The following FKBP1B variants were observed in gnomAD, a reference collection of about 807,000 sequenced individuals.
FKBP1B encodes peptidyl-prolyl cis-trans isomerase FKBP1B.
A neutral mutation model predicts 13.5 loss-of-function variants in FKBP1B; 4 were observed. That is an observed-to-expected ratio of 0.30 (90% CI 0.15 to 0.68). The LOEUF (loss-of-function observed/expected upper bound fraction) is 0.68, where lower values mean the gene tolerates loss of function less well. Ranked by LOEUF, FKBP1B falls within the 30% of genes least tolerant of loss-of-function variation. The probability of loss-of-function intolerance (pLI) is 0.76; values close to 1 mark genes in which losing one functional copy is unlikely to be tolerated. For missense variants in FKBP1B, 93 were observed against 136.2 expected (o/e 0.68, Z 1.58); for synonymous variants, 54 against 53.6 (o/e 1.01, Z -0.03).
chr2:24,063,054 T>C lies in FKBP1B; in HGVS notation c.199-10T>C, dbSNP rs760574516. 6.2e-7 allele frequency: 1 copy of C among 1,614,200 alleles called. No individual in the cohort carries two copies. The highest frequency in any genetic ancestry group is 8.5e-7 in the Non-Finnish European group (1 of 1,180,024). ...TTTCTCCTCTCCCCATCTGCCCCCATCCCTGCTAGATGAGCTTGGGGCAGA... is the reference window on the plus strand; with the variant it reads ...TTTCTCCTCTCCCCATCTGCCCCCACCCCTGCTAGATGAGCTTGGGGCAGA... On this transcript the variant is annotated splice_polypyrimidine_tract_variant and intron_variant, in intron 3 of 3. Transcript: ENST00000380986.
At position 24,063,462 on chromosome 2, in the gene FKBP1B, GAA is replaced by G; in HGVS notation, c.*271_*272del. 1 of 370,070 alleles carries G rather than the reference GAA, an allele frequency of 2.7e-6. No individual in the cohort carries two copies. The allele number at this position is 370,070 out of a possible 1,614,324, so 22.9% of individuals were successfully genotyped here. ...CATGTAGTAGCCTTTCCTGATGACA[GAA>G]CACAGATCTCTTGTTCGCACAATCT... On this transcript the variant is annotated 3_prime_UTR_variant, in exon 4 of 4. Coordinates refer to ENST00000380986, the MANE Select transcript of FKBP1B (RefSeq NM_004116.5).
intron 1 of FKBP1B, among the ~76,000 whole-genome samples, chr2:24,052,664 T>C (rs1663932171): frequency 6.6e-6 from 1 of 152,170 alleles, no homozygotes; most frequent in African/African-American, 2.4e-5. Context: ...ATTGTCTCTG[T>C]CCATTAGAAT....
chr2:24,051,733 C>T (rs1388859159), intron 1 of FKBP1B, among the ~76,000 whole-genome samples: 2 of 152,188 alleles, frequency 1.3e-5, no homozygotes, highest in African/African-American at 4.8e-5. Context: ...CAAGACCTGG[C>T]TTCACCATTC....
chr2:24,037,835 T>C, the FKBP1B span: 3 of 1,614,054 alleles, frequency 1.9e-6, no homozygotes, highest in African/African-American at 1.3e-5. Flanking sequence ...AGCTGATAAG[T>C]TTCCTTTTCA....
chr2:24,035,604 T>TA, the FKBP1B span, among the ~76,000 whole-genome samples: 4 of 152,056 alleles, frequency 2.6e-5, no homozygotes, highest in Admixed American at 2.6e-4. Context: ...CATTTATAAA[T>TA]AAAATAATTT....
At chr2:24,039,566 A>T in the FKBP1B span, 1 of 1,506,952 alleles carries the variant, frequency 6.6e-7, no homozygotes, top group Non-Finnish European at 9.0e-7. Flanking sequence ...CAAATCTAGA[A>T]TGTAGGACAT....
Position 24,049,793 on chromosome 2 carries a change from C to G in FKBP1B, c.-57C>G. 1 of 1,304,622 alleles carries G rather than the reference C, an allele frequency of 7.7e-7. No homozygotes were observed. The highest frequency in any genetic ancestry group is 9.8e-7 in the Non-Finnish European group (1 of 1,021,196). The allele number at this position is 1,304,622 out of a possible 1,614,324, so 80.8% of individuals were successfully genotyped here. On this transcript the variant is annotated 5_prime_UTR_variant, in exon 1 of 4. Transcript: ENST00000380986. ...GCGACGGCGGGGCTGGGGCCGGAGC[C>G]GAGCCGGGGTCGGGCAGCAGCAGGG... is the stretch of plus-strand genomic sequence containing the variant.
At chr2:24,042,183 C>T in the FKBP1B span, among the ~76,000 whole-genome samples, 1 of 151,996 alleles carries the variant, frequency 6.6e-6, no homozygotes, top group African/African-American at 2.4e-5. Flanking sequence ...GGGCAGATCA[C>T]GTGAGGTCAG....
rs888893858 is a variant in FKBP1B, at chr2:24,054,799, G to A, written c.85+850G>A. Among the ~76,000 whole-genome samples, 8 of 152,252 alleles carry A rather than the reference G, an allele frequency of 5.3e-5. No homozygotes were observed. The East Asian group carries it at 1.3e-3, about 26-fold the overall frequency. On this transcript the variant is annotated intron_variant, in intron 2 of 3. Transcript: ENST00000380986. ...TGATGTGGCCTAATTACCATGGGTC[G>A]TCTGGGGCCTCTGACCTGTGTAATT...
chr2:24,063,013 A>G (rs201993087), intron 3 of FKBP1B, 51 bp from the exon 4 acceptor site: 18 of 1,613,844 alleles, frequency 1.1e-5, no homozygotes. Context: ...TTTCTTTTAA[A>G]TCAAGCTGGG....
chr2:24,052,474 A>G (rs1488633919), intron 1 of FKBP1B, among the ~76,000 whole-genome samples: 3 of 151,980 alleles, frequency 2.0e-5, no homozygotes, highest in Non-Finnish European at 2.9e-5. Context: ...CCCAAGTGCT[A>G]TTTCCCAGTA....
At chr2:24,055,675 G>A (rs923031366) in intron 2 of FKBP1B, among the ~76,000 whole-genome samples, 1 of 152,138 alleles carries the variant, frequency 6.6e-6, no homozygotes, top group South Asian at 2.1e-4. Flanking sequence ...GTATTTTAAC[G>A]TACAAGTATG....
chr2:24,062,856 G>A (rs1420965956), intron 3 of FKBP1B, among the ~76,000 whole-genome samples: 1 of 152,220 alleles, frequency 6.6e-6, no homozygotes, highest in Non-Finnish European at 1.5e-5. Flanking sequence ...GAGGGTTACT[G>A]CCCCACAGTC....
In FKBP1B at chr2:24,049,804, CG is replaced by C; in HGVS notation, c.-43del. On this transcript the variant is annotated 5_prime_UTR_variant, in exon 1 of 4. Transcript: ENST00000380986. Reference sequence around the variant, plus strand: ...GCTGGGGCCGGAGCCGAGCCGGGGTCGGGCAGCAGCAGGGACCCCCCAGAGG... The same window carrying C: ...GCTGGGGCCGGAGCCGAGCCGGGGTCGGCAGCAGCAGGGACCCCCCAGAGG... 1 of 1,322,238 alleles carries C rather than the reference CG, an allele frequency of 7.6e-7. No homozygotes were observed. The highest frequency in any genetic ancestry group is 9.7e-7 in the Non-Finnish European group (1 of 1,033,952). The allele number at this position is 1,322,238 out of a possible 1,614,324, so 81.9% of individuals were successfully genotyped here. A position where few individuals can be genotyped will look rare whatever the true frequency, so the allele number is the denominator to read the frequency against.
chr2:24,037,214 G>C, the FKBP1B span, among the ~76,000 whole-genome samples: 2 of 152,012 alleles, frequency 1.3e-5, no homozygotes, highest in Non-Finnish European at 2.9e-5. Flanking sequence ...TTAGAGACAG[G>C]GTTTCACCAC....
At position 24,053,947 on chromosome 2, in the gene FKBP1B, C is replaced by T; in HGVS notation, c.83C>T (p.Thr28Ile). Residue 28 changes from threonine to isoleucine, a missense_variant and splice_region_variant, in exon 2 of 4, where the codon ACA becomes ATA. Physicochemically the swap from Thr to Ile is moderately conservative, Grantham distance 89. Coordinates refer to ENST00000380986, the MANE Select transcript of FKBP1B (RefSeq NM_004116.5). ...KKGQTCVVHY[T>I]GMLQNGKKFD... ...GGCCAAACGTGTGTGGTGCACTACA[C>T]AGGTAAGTCTCACCCCCTCAGCCCC... is the stretch of plus-strand genomic sequence containing the variant. The T allele has an allele frequency of 2.5e-6, 4 of 1,614,166 alleles. No homozygotes were observed. The South Asian group carries it at 3.3e-5, about 13-fold the overall frequency.
chr2:24,057,426 T>C (rs1172975869), intron 2 of FKBP1B, among the ~76,000 whole-genome samples: 4 of 151,768 alleles, frequency 2.6e-5, no homozygotes, highest in Non-Finnish European at 4.4e-5. Context: ...CAGGCTGGAG[T>C]GCAATGGCAC....
chr2:24,058,566 A>G (rs1216280254), intron 2 of FKBP1B, among the ~76,000 whole-genome samples: 2 of 152,240 alleles, frequency 1.3e-5, no homozygotes, highest in Non-Finnish European at 2.9e-5. Context: ...ACCTGAAGAA[A>G]CTAAGGAATG....
Position 24,063,245 on chromosome 2 carries a change from C to A in FKBP1B, c.*53C>A, listed in dbSNP as rs1410002579. Reference sequence around the variant, plus strand: ...AGATGGCTGCTGCTCACCCTCCTAGCCTGCTCTGCCACTGGGACGGCTCCT... The same window carrying A: ...AGATGGCTGCTGCTCACCCTCCTAGACTGCTCTGCCACTGGGACGGCTCCT... On this transcript the variant is annotated 3_prime_UTR_variant, in exon 4 of 4. Coordinates refer to ENST00000380986, the MANE Select transcript of FKBP1B (RefSeq NM_004116.5). The A allele has an allele frequency of 2.0e-6, 3 of 1,503,024 alleles. No individual in the cohort carries two copies. The highest frequency in any genetic ancestry group is 2.7e-6 in the Non-Finnish European group (3 of 1,125,268). 93.1% of individuals were successfully genotyped at this position (1,503,024 alleles called of 1,614,324 possible).
Sources: allele counts gnomAD v4.1 joint callset (sites outside exome capture counted in the v4.1 genomes callset), GRCh38; gene constraint gnomAD v4.1.1; transcripts MANE v1.5; gene names NCBI Gene and HGNC (gene_info 2026-07-23, HGNC 2026-07-21).